The following ARMH3 variants were observed in gnomAD, a reference collection of about 807,000 sequenced individuals.
ARMH3 encodes armadillo-like helical domain-containing protein 3.
In ARMH3, 60 loss-of-function variants were observed where a neutral mutation model predicts 99.1. That is an observed-to-expected ratio of 0.61 (90% CI 0.49 to 0.75). ARMH3 has a LOEUF of 0.75. ARMH3 is among the 30% of genes least tolerant of loss of function. The pLI, the probability that ARMH3 is intolerant of heterozygous loss-of-function variation, is 0.00. For missense variants in ARMH3, 679 were observed against 843.1 expected (o/e 0.81, Z 2.41); for synonymous variants, 285 against 292.8 (o/e 0.97, Z 0.27).
chr10:102,001,088 A>G (rs2066352392), intron 15 of ARMH3, among the ~76,000 whole-genome samples: 1 of 152,168 alleles, frequency 6.6e-6, no homozygotes, highest in African/African-American at 2.4e-5. Flanking sequence ...AAGGGCTGGG[A>G]TTACAGGCAT....
chr10:101,985,082 C>T (rs201116610), intron 19 of ARMH3, among the ~76,000 whole-genome samples: 1,085 of 97,846 alleles, frequency 0.011, 20 homozygotes, highest in East Asian at 0.093. Flanking sequence ...TATATATACA[C>T]ACACACACAC....
intron 1 of ARMH3, among the ~76,000 whole-genome samples, chr10:102,052,388 T>C (rs1158570277): frequency 6.6e-6 from 1 of 152,080 alleles, no homozygotes; most frequent in Non-Finnish European, 1.5e-5. Context: ...CACACCCGGC[T>C]CATTTTTGTA....
chr10:101,993,546 G>A lies in ARMH3; in HGVS notation c.1267C>T (p.His423Tyr), dbSNP rs1275307099. 2 of 1,598,788 alleles carry A rather than the reference G, an allele frequency of 1.3e-6. No individual in the cohort carries two copies. Among genetic ancestry groups the A allele is most frequent in the East Asian group, 2.2e-5 (1 of 44,558 alleles). ...GCAAAAGAAACACCTACCATTCTAT[G>A]TAAGTTTACTCGAAAATTCATGTTG... ...DDNMNFRVNL[H>Y]RMPMRHRKKA... The change falls in exon 17 of 26, where the codon CAT becomes TAT. Residue 423 changes from histidine to tyrosine, a missense_variant. By Grantham distance (83) the His-to-Tyr change is moderately conservative. This residue lies in a region of ARMH3 where 389 missense variants were observed against 456.5 expected (regional missense o/e 0.85). Coordinates refer to ENST00000370033, the MANE Select transcript of ARMH3 (RefSeq NM_024541.3).
chr10:102,027,449 C>T (rs556601553), intron 5 of ARMH3, among the ~76,000 whole-genome samples: 64 of 152,134 alleles, frequency 4.2e-4, no homozygotes, highest in South Asian at 3.7e-3. Context: ...GAAGTCCCCT[C>T]ATCACAGCGT....
intron 22 of ARMH3, among the ~76,000 whole-genome samples, chr10:101,951,160 A>G (rs1171759923): frequency 2.0e-5 from 3 of 152,214 alleles, no homozygotes; most frequent in Non-Finnish European, 4.4e-5. Flanking sequence ...TCAGACTTCA[A>G]TAAATAGATA....
At chr10:102,046,304 GAAAGAGAGA>G (rs771972394) in intron 1 of ARMH3, among the ~76,000 whole-genome samples, 1 of 142,866 alleles carries the variant, frequency 7.0e-6, no homozygotes, top group Non-Finnish European at 1.5e-5. Context: ...AAGAAAGAGA[GAAAGAGAGA>G]AAAGAGAGAG....
chr10:101,928,709 A>G (rs898900799), intron 23 of ARMH3, among the ~76,000 whole-genome samples: 1 of 151,976 alleles, frequency 6.6e-6, no homozygotes, highest in Non-Finnish European at 1.5e-5. Context: ...ATACAATAAG[A>G]TATTTTGTTG....
intron 20 of ARMH3, among the ~76,000 whole-genome samples, chr10:101,967,863 T>A (rs1845605087): frequency 6.6e-6 from 1 of 152,172 alleles, no homozygotes; most frequent in Non-Finnish European, 1.5e-5. Flanking sequence ...GAAATGGCTC[T>A]GGCTGTATGC....
chr10:101,947,610 G>A lies in ARMH3; in HGVS notation c.1706-7672C>T, dbSNP rs1035228417. 7.2e-5 allele frequency among the ~76,000 whole-genome samples: 11 copies of A among 152,052 alleles called. 1 individual carries two copies. In the East Asian group the frequency reaches 2.1e-3, roughly 29 times the overall value. The stretch of plus-strand genomic sequence containing the variant: ...GAGGTTGGGAGTTCAAAACCAGCCT[G>A]ACCAACATGGAGAAACCCCATCTCT... On this transcript the variant is annotated intron_variant, in intron 22 of 25. Coordinates refer to ENST00000370033, the MANE Select transcript of ARMH3 (RefSeq NM_024541.3).
rs150812984 is a variant in ARMH3 at position 101,907,469 on chromosome 10, G to A, written c.1782-17979C>T. Among the ~76,000 whole-genome samples, 424 of 150,728 alleles carry A rather than the reference G, an allele frequency of 2.8e-3. 3 individuals carry two copies. Among genetic ancestry groups the A allele is most frequent in the Non-Finnish European group, 3.0e-3 (201 of 67,744 alleles). ...GCAATCTCAGCTCACTGCAACCTCCGCCGCCTGGGTTCAAGTGATTCTCAT... is the reference window on the plus strand; with the variant it reads ...GCAATCTCAGCTCACTGCAACCTCCACCGCCTGGGTTCAAGTGATTCTCAT... On this transcript the variant is annotated intron_variant, in intron 23 of 25. Transcript: ENST00000370033.
At chr10:102,054,062 C>T (rs2136310405) in intron 1 of ARMH3, among the ~76,000 whole-genome samples, 1 of 152,224 alleles carries the variant, frequency 6.6e-6, no homozygotes, top group Admixed American at 6.5e-5. Flanking sequence ...ATAATGACTG[C>T]TTTGAGGTTT....
chr10:101,922,123 C>T (rs1343455216), intron 23 of ARMH3, among the ~76,000 whole-genome samples: 2 of 152,172 alleles, frequency 1.3e-5, no homozygotes, highest in East Asian at 1.9e-4. Flanking sequence ...AAATATTATA[C>T]ATCAATTTTA....
chr10:101,934,349 A>G (rs780982593), intron 23 of ARMH3, among the ~76,000 whole-genome samples: 1 of 152,178 alleles, frequency 6.6e-6, no homozygotes, highest in Admixed American at 6.5e-5. Context: ...TTGGCACTGG[A>G]ACAAAAAGAC....
chr10:101,939,790 C>G, intron 23 of ARMH3, 73 bp downstream of exon 23: 1 of 1,335,388 alleles, frequency 7.5e-7, no homozygotes, highest in Non-Finnish European at 1.1e-6. Context: ...GTTCAACACA[C>G]TTTACTTAGA....
chr10:101,999,033 A>G (rs1002910778), intron 15 of ARMH3, among the ~76,000 whole-genome samples: 2 of 152,236 alleles, frequency 1.3e-5, no homozygotes, highest in African/African-American at 2.4e-5. Context: ...GATTCTTATA[A>G]AGAAGCCTTA....
chr10:102,005,273 C>T (rs1422058903), intron 14 of ARMH3, among the ~76,000 whole-genome samples: 1 of 151,070 alleles, frequency 6.6e-6, no homozygotes, highest in Non-Finnish European at 1.5e-5. Context: ...ATCTCAGCTA[C>T]TCAGAAGGCT....
intron 20 of ARMH3, among the ~76,000 whole-genome samples, chr10:101,968,269 T>C (rs893203399): frequency 6.6e-6 from 1 of 151,970 alleles, no homozygotes; most frequent in Non-Finnish European, 1.5e-5. Flanking sequence ...TACCACCTGC[T>C]CCTTTCCCCC....
At chr10:102,020,683 GAAAA>G (rs897977927) in intron 8 of ARMH3, among the ~76,000 whole-genome samples, 1 of 87,562 alleles carries the variant, frequency 1.1e-5, no homozygotes, top group Non-Finnish European at 2.4e-5. Flanking sequence ...CTCCATCTCA[GAAAA>G]AAAAAAAAAA....
At position 102,023,568 on chromosome 10, in the gene ARMH3, A is replaced by G; in HGVS notation, c.583-5T>C. 6.2e-7 allele frequency: 1 copy of G among 1,613,700 alleles called. No individual in the cohort carries two copies. The highest frequency in any genetic ancestry group is 8.5e-7 in the Non-Finnish European group (1 of 1,179,666). On this transcript the variant is annotated splice_polypyrimidine_tract_variant and splice_region_variant and intron_variant, in intron 7 of 25. Transcript: ENST00000370033. ...ACTTGGGGGATGGGAAAGTATCTGT[A>G]ACAAGAACCAAAAATGCATGAGACT... is the stretch of plus-strand genomic sequence containing the variant.
Sources: allele counts gnomAD v4.1 joint callset (sites outside exome capture counted in the v4.1 genomes callset), GRCh38; gene constraint gnomAD v4.1.1; regional missense constraint gnomAD v4.1.1; transcripts MANE v1.5; gene names NCBI Gene and HGNC (gene_info 2026-07-23, HGNC 2026-07-21).